ATRNL1: variants seen among roughly 807,000 people sequenced by gnomAD.
ATRNL1 encodes the protein attractin like 1.
In ATRNL1, 95 loss-of-function variants were observed where a neutral mutation model predicts 182.7. That is an observed-to-expected ratio of 0.52 (90% CI 0.44 to 0.62). The LOEUF (loss-of-function observed/expected upper bound fraction) is 0.62, where lower values mean the gene tolerates loss of function less well. ATRNL1 is among the 20% of genes least tolerant of loss of function. ATRNL1 has a pLI of 0.00. For missense variants in ATRNL1, 1,471 were observed against 1,679.5 expected (o/e 0.88, Z 2.17); for synonymous variants, 576 against 568.3 (o/e 1.01, Z -0.19).
intron 18 of ATRNL1, among the ~76,000 whole-genome samples, chr10:115,319,309 A>T (rs1169226799): frequency 6.6e-6 from 1 of 152,182 alleles, no homozygotes; most frequent in African/African-American, 2.4e-5. Flanking sequence ...ACTTCCAATT[A>T]TGTGGTCAAT....
Position 115,215,720 on chromosome 10 carries a change from G to A in ATRNL1, c.1372G>A (p.Glu458Lys). Residue 458 changes from glutamate to lysine, a missense_variant, in exon 9 of 29, where the codon GAA becomes AAA. Glu to Lys is a moderately conservative substitution (Grantham distance 56). Transcript: ENST00000355044. ...AGCATCAAACACTTGGCTTGTTCCA[G>A]AAACTAAAGGAGCTATTGTACAAGG... is the stretch of plus-strand genomic sequence containing the variant. ...HISSNTWLVP[E>K]TKGAIVQGGY... 1 of 1,595,476 alleles carries A rather than the reference G, an allele frequency of 6.3e-7. No homozygotes were observed. Among genetic ancestry groups the A allele is most frequent in the East Asian group, 2.3e-5 (1 of 43,768 alleles).
intron 21 of ATRNL1, among the ~76,000 whole-genome samples, chr10:115,432,778 A>G (rs781861823): frequency 1.3e-5 from 2 of 152,158 alleles, no homozygotes; most frequent in Admixed American, 6.5e-5. Context: ...TTTAGTAAAT[A>G]CAAAAAGTAG....
intron 25 of ATRNL1, among the ~76,000 whole-genome samples, chr10:115,530,184 A>T (rs1011076242): frequency 6.6e-6 from 1 of 152,062 alleles, no homozygotes; most frequent in Non-Finnish European, 1.5e-5. Context: ...TACTATGCAC[A>T]TTTGTGTGTA....
intron 21 of ATRNL1, among the ~76,000 whole-genome samples, chr10:115,441,359 C>G (rs1224122869): frequency 1.3e-5 from 2 of 151,844 alleles, no homozygotes; most frequent in Admixed American, 6.6e-5. Context: ...TCACCAAATC[C>G]TTACCACCCA....
chr10:115,156,106 A>C (rs1705012941), intron 5 of ATRNL1, among the ~76,000 whole-genome samples: 2 of 152,094 alleles, frequency 1.3e-5, no homozygotes, highest in South Asian at 4.1e-4. Context: ...TCAAGTGAGG[A>C]GTCAGGGGAA....
In ATRNL1 at chr10:115,244,800, G is replaced by A. The variant is rs60296108; in HGVS notation, c.1687+3075G>A. Among the ~76,000 whole-genome samples the A allele has an allele frequency of 1.4e-3, 212 of 152,220 alleles. 1 individual carries two copies. The highest frequency in any genetic ancestry group is 4.9e-3 in the African/African-American group (205 of 41,546). Reference sequence around the variant, plus strand: ...TAACCTTCTATTTAGAATTCACACAGAATTCTGAAACAAGATGCAAAACAA... The same window carrying A: ...TAACCTTCTATTTAGAATTCACACAAAATTCTGAAACAAGATGCAAAACAA... On this transcript the variant is annotated intron_variant, in intron 10 of 28. Coordinates refer to ENST00000355044, the MANE Select transcript of ATRNL1 (RefSeq NM_207303.4).
At chr10:115,482,983 G>A (rs1231726673) in intron 24 of ATRNL1, among the ~76,000 whole-genome samples, 1 of 151,312 alleles carries the variant, frequency 6.6e-6, no homozygotes, top group Non-Finnish European at 1.5e-5. Flanking sequence ...TAATAGAAGA[G>A]TATATATTTT....
intron 8 of ATRNL1, among the ~76,000 whole-genome samples, chr10:115,206,131 T>C (rs1265934202): frequency 6.6e-6 from 1 of 152,146 alleles, no homozygotes; most frequent in Non-Finnish European, 1.5e-5. Context: ...TAAAAAATGT[T>C]GGGCCACTTC....
At chr10:115,235,371 C>T (rs1554901144) in intron 9 of ATRNL1, among the ~76,000 whole-genome samples, 1 of 152,034 alleles carries the variant, frequency 6.6e-6, no homozygotes, top group Non-Finnish European at 1.5e-5. Flanking sequence ...CAAAAGAAAC[C>T]CCATACCTGT....
intron 8 of ATRNL1, among the ~76,000 whole-genome samples, chr10:115,201,071 G>A (rs1364811450): frequency 1.1e-4 from 16 of 150,396 alleles, no homozygotes; most frequent in African/African-American, 3.7e-4. Flanking sequence ...TTTTTGGTGG[G>A]CTTGTTTTTT....
At chr10:115,151,592 G>C (rs1274061796) in intron 5 of ATRNL1, among the ~76,000 whole-genome samples, 1 of 152,054 alleles carries the variant, frequency 6.6e-6, no homozygotes, top group South Asian at 2.1e-4. Context: ...AAATTTGTTG[G>C]AGTTCTTTGT....
chr10:115,880,264 A>G (rs1460812919), intron 28 of ATRNL1, among the ~76,000 whole-genome samples: 3 of 152,192 alleles, frequency 2.0e-5, no homozygotes, highest in African/African-American at 4.8e-5. Flanking sequence ...GAGCCTGGCC[A>G]TGGGAGAGGG....
intron 26 of ATRNL1, among the ~76,000 whole-genome samples, chr10:115,688,208 C>T (rs1389101810): frequency 6.6e-6 from 1 of 152,106 alleles, no homozygotes; most frequent in East Asian, 1.9e-4. Context: ...TTCCTTTACT[C>T]ATTCATCCAT....
In ATRNL1 at chr10:115,755,958, G is replaced by A. The variant is rs553253941; in HGVS notation, c.3903+28603G>A. ...GATTTTCTAGTTTATTTGCATAGAG[G>A]TGTTTATAGTATTCTCTGCTGGTCG... is the stretch of plus-strand genomic sequence containing the variant. On this transcript the variant is annotated intron_variant, in intron 27 of 28. Transcript: ENST00000355044. 5.3e-5 allele frequency among the ~76,000 whole-genome samples: 8 copies of A among 152,204 alleles called. No individual in the cohort carries two copies. The South Asian group carries it at 1.7e-3, about 32-fold the overall frequency.
chr10:115,748,557 G>A (rs1948358346), intron 27 of ATRNL1, among the ~76,000 whole-genome samples: 3 of 151,522 alleles, frequency 2.0e-5, no homozygotes, highest in Admixed American at 1.3e-4. Context: ...ACCCTATGCT[G>A]TATGTCACTA....
intron 28 of ATRNL1, among the ~76,000 whole-genome samples, chr10:115,926,497 A>G (rs55782493): frequency 0.18 from 26,836 of 152,116 alleles, 2,433 homozygotes; most frequent in Non-Finnish European, 0.2. Flanking sequence ...AAAATTAACA[A>G]AATAGATAGA....
chr10:115,854,772 C>T (rs1555101434), intron 28 of ATRNL1, among the ~76,000 whole-genome samples: 1 of 152,146 alleles, frequency 6.6e-6, no homozygotes, highest in Non-Finnish European at 1.5e-5. Context: ...TCTTTGTGCC[C>T]TTTTACATCT....
At chr10:115,691,122 G>C (rs2133972698) in intron 26 of ATRNL1, among the ~76,000 whole-genome samples, 1 of 152,220 alleles carries the variant, frequency 6.6e-6, no homozygotes, top group African/African-American at 2.4e-5. Context: ...CTTCCTTCTG[G>C]AGAAGGCAGG....
intron 26 of ATRNL1, among the ~76,000 whole-genome samples, chr10:115,608,645 C>G (rs973595932): frequency 2.6e-5 from 4 of 151,896 alleles, no homozygotes; most frequent in Admixed American, 6.6e-5. Flanking sequence ...AAGTAAAATA[C>G]ATAATATATC....
Sources: allele counts gnomAD v4.1 joint callset (sites outside exome capture counted in the v4.1 genomes callset), GRCh38; gene constraint gnomAD v4.1.1; transcripts MANE v1.5; gene names NCBI Gene and HGNC (gene_info 2026-07-23, HGNC 2026-07-21).